KCNH1: variants seen among roughly 807,000 people sequenced by gnomAD.
The protein encoded by KCNH1 is voltage-gated delayed rectifier potassium channel KCNH1.
In KCNH1, 27 loss-of-function variants were observed where a neutral mutation model predicts 69.2. The observed-to-expected ratio is 0.39, with a 90% CI of 0.29 to 0.54. KCNH1 has a LOEUF of 0.54. Ranked by LOEUF, KCNH1 falls within the 20% of genes least tolerant of loss-of-function variation. The pLI is 0.68. For missense variants in KCNH1, 798 were observed against 1,261.6 expected (o/e 0.63, Z 5.57); for synonymous variants, 456 against 487.7 (o/e 0.93, Z 0.86).
intron 9 of KCNH1, among the ~76,000 whole-genome samples, chr1:210,797,307 G>T (rs1023303746): frequency 3.3e-5 from 5 of 152,150 alleles, no homozygotes; most frequent in African/African-American, 1.2e-4. Context: ...TTTTCTTATT[G>T]AAATACTCCA....
chr1:210,961,490 T>C (rs1688291843), intron 6 of KCNH1, among the ~76,000 whole-genome samples: 1 of 152,216 alleles, frequency 6.6e-6, no homozygotes, highest in African/African-American at 2.4e-5. Context: ...TTTTTATATC[T>C]TTCATGATTC....
rs1574333597 is a variant in KCNH1, at chr1:210,911,420, T to C, written c.1462+8220A>G. On this transcript the variant is annotated intron_variant, in intron 7 of 10. Transcript: ENST00000271751. Reference sequence around the variant, plus strand: ...TAAAAATATAATTTTAATTCAAATGTCAATTATAATGTGGAGATGTTGCTA... The same window carrying C: ...TAAAAATATAATTTTAATTCAAATGCCAATTATAATGTGGAGATGTTGCTA... Among the ~76,000 whole-genome samples, 2 of 152,096 alleles carry C rather than the reference T, an allele frequency of 1.3e-5. 1 individual carries two copies. Among genetic ancestry groups the C allele is most frequent in the East Asian group, 3.9e-4 (2 of 5,184 alleles).
chr1:211,065,372 T>C (rs1018066129), intron 5 of KCNH1, among the ~76,000 whole-genome samples: 1 of 152,106 alleles, frequency 6.6e-6, no homozygotes, highest in Non-Finnish European at 1.5e-5. Flanking sequence ...TTAAGTGAAA[T>C]AAGTCAAGCC....
At chr1:210,717,725 G>A (rs576214663) in intron 10 of KCNH1, among the ~76,000 whole-genome samples, 2 of 152,338 alleles carry the variant, frequency 1.3e-5, no homozygotes, top group East Asian at 3.9e-4. Flanking sequence ...CCCTTGAGGA[G>A]TGCTGTCCAA....
chr1:211,029,209 T>C (rs1005690514), intron 5 of KCNH1, among the ~76,000 whole-genome samples: 2 of 141,716 alleles, frequency 1.4e-5, no homozygotes, highest in Non-Finnish European at 3.0e-5. Flanking sequence ...GGTACATGCC[T>C]ATAGTCCTAG....
intron 10 of KCNH1, among the ~76,000 whole-genome samples, chr1:210,752,691 G>C (rs753836169): frequency 3.3e-5 from 5 of 152,118 alleles, no homozygotes; most frequent in African/African-American, 4.8e-5. Context: ...GAGAACGGAG[G>C]AAATTAGAAA....
intron 6 of KCNH1, among the ~76,000 whole-genome samples, chr1:211,016,282 G>A (rs1210104117): frequency 6.6e-6 from 1 of 152,066 alleles, no homozygotes; most frequent in Non-Finnish European, 1.5e-5. Context: ...TTTCCTAGGG[G>A]AGAAGAACTC....
chr1:210,767,363 ATC>A (rs1683657943), intron 10 of KCNH1, among the ~76,000 whole-genome samples: 2 of 152,158 alleles, frequency 1.3e-5, no homozygotes, highest in African/African-American at 4.8e-5. Flanking sequence ...CCTGCCAGTA[ATC>A]TCTGTTTGGG....
chr1:210,735,571 C>A (rs1348295697), intron 10 of KCNH1, among the ~76,000 whole-genome samples: 2 of 151,828 alleles, frequency 1.3e-5, no homozygotes, highest in Non-Finnish European at 2.9e-5. Flanking sequence ...CATCAGAGGG[C>A]AGAGATTCCA....
At chr1:210,830,239 T>G (rs922014856) in intron 7 of KCNH1, among the ~76,000 whole-genome samples, 1 of 152,146 alleles carries the variant, frequency 6.6e-6, no homozygotes, top group Non-Finnish European at 1.5e-5. Flanking sequence ...CTCCTACTCA[T>G]CCGTTAACTT....
intron 6 of KCNH1, among the ~76,000 whole-genome samples, chr1:210,948,651 A>G (rs1688006460): frequency 6.6e-6 from 1 of 151,906 alleles, no homozygotes; most frequent in South Asian, 2.1e-4. Context: ...AACACACTGA[A>G]ACCCTGTCTC....
intron 5 of KCNH1, among the ~76,000 whole-genome samples, chr1:211,051,772 A>T (rs4951495): frequency 6.6e-6 from 1 of 151,948 alleles, no homozygotes; most frequent in Non-Finnish European, 1.5e-5. Context: ...TCTTTAAAAG[A>T]ATCACAAATC....
At position 210,718,641 on chromosome 1, in the gene KCNH1, CATAT is replaced by C. The variant is rs772681835; in HGVS notation, c.2113-34507_2113-34504del. Among the ~76,000 whole-genome samples the C allele has an allele frequency of 7.1e-4, 51 of 72,202 alleles. 6 individuals are homozygous for C. In the East Asian group the frequency reaches 7.5e-3, roughly 11 times the overall value. 47.4% of individuals were successfully genotyped at this position (72,202 alleles called of 152,430 possible). A position where few individuals can be genotyped will look rare whatever the true frequency, so the allele number is the denominator to read the frequency against. On this transcript the variant is annotated intron_variant, in intron 10 of 10. Transcript: ENST00000271751. Reference sequence around the variant, plus strand: ...GTATGTGTGTATAAATATATATATACATATATATATACACACACACACACACACA... The same window carrying C: ...GTATGTGTGTATAAATATATATATACATATATACACACACACACACACACA...
chr1:211,106,330 T>C (rs930405746), intron 2 of KCNH1, among the ~76,000 whole-genome samples: 1 of 152,212 alleles, frequency 6.6e-6, no homozygotes, highest in Non-Finnish European at 1.5e-5. Flanking sequence ...AGAGCTTTTC[T>C]AACACCACGG....
At chr1:211,104,185 G>C (rs1263254638) in intron 2 of KCNH1, among the ~76,000 whole-genome samples, 1 of 152,106 alleles carries the variant, frequency 6.6e-6, no homozygotes, top group Admixed American at 6.5e-5. Flanking sequence ...AGATCATGGA[G>C]GAGACCACGG....
chr1:211,115,712 T>A (rs971674334), intron 1 of KCNH1, among the ~76,000 whole-genome samples: 1 of 97,556 alleles, frequency 1.0e-5, no homozygotes, highest in Non-Finnish European at 2.3e-5. Flanking sequence ...TATATATATA[T>A]ATATGTATAT....
chr1:210,778,083 G>A lies in KCNH1; in HGVS notation c.1916-2539C>T, dbSNP rs116860541. The stretch of plus-strand genomic sequence containing the variant: ...AGCTGAGCTCTCAGCTGACAGTCTC[G>A]ACTGCCAGTCATGTCAAGAAGCCAT... On this transcript the variant is annotated intron_variant, in intron 9 of 10. Coordinates refer to ENST00000271751, the MANE Select transcript of KCNH1 (RefSeq NM_172362.3). 4.6e-5 allele frequency among the ~76,000 whole-genome samples: 7 copies of A among 152,262 alleles called. No homozygotes were observed. The East Asian group carries it at 1.4e-3, about 29-fold the overall frequency.
chr1:211,094,546 A>G (rs1691112078), intron 3 of KCNH1, among the ~76,000 whole-genome samples: 2 of 152,238 alleles, frequency 1.3e-5, no homozygotes, highest in African/African-American at 4.8e-5. Flanking sequence ...CAAGGGCAAG[A>G]GACCTGATCT....
chr1:211,007,933 C>CT (rs1558565636), intron 6 of KCNH1, among the ~76,000 whole-genome samples: 1 of 14,814 alleles, frequency 6.8e-5, no homozygotes, highest in Non-Finnish European at 1.1e-4. Flanking sequence ...AAAAAGGGAA[C>CT]CTTGAGCACT....
Sources: allele counts gnomAD v4.1 joint callset (sites outside exome capture counted in the v4.1 genomes callset), GRCh38; gene constraint gnomAD v4.1.1; transcripts MANE v1.5; gene names NCBI Gene and HGNC (gene_info 2026-07-23, HGNC 2026-07-21).